The following FRMD5 variants were observed in gnomAD, a reference collection of about 807,000 sequenced individuals.
FRMD5 encodes FERM domain-containing protein 5.
In FRMD5, 20 loss-of-function variants were observed where a neutral mutation model predicts 69.0. That is an observed-to-expected ratio of 0.29 (90% confidence interval 0.20 to 0.42). The LOEUF (loss-of-function observed/expected upper bound fraction) is 0.42. FRMD5 is among the 10% of genes least tolerant of loss of function. The pLI is 1.00. For missense variants in FRMD5, 595 were observed against 708.6 expected, an observed-to-expected ratio of 0.84 and a Z score of 1.82; for synonymous variants, 271 against 260.1, an observed-to-expected ratio of 1.04 and a Z score of -0.40.
At chr15:43,944,498 T>C (rs189464315) in intron 1 of FRMD5, among the ~76,000 whole-genome samples, 1 of 152,158 alleles carries the variant, frequency 6.6e-6, no homozygotes, top group African/African-American at 2.4e-5. Context: ...CTCTGCTCAC[T>C]GCAACCTCCA....
At chr15:43,903,197 G>C (rs2089088536) in intron 6 of FRMD5, among the ~76,000 whole-genome samples, 2 of 152,258 alleles carry the variant, frequency 1.3e-5, no homozygotes, top group Admixed American at 1.3e-4. Context: ...CTGCAAAGCA[G>C]ATATACTTCT....
At chr15:44,006,065 G>A (rs1890432784) in intron 1 of FRMD5, among the ~76,000 whole-genome samples, 1 of 152,146 alleles carries the variant, frequency 6.6e-6, no homozygotes, top group Admixed American at 6.6e-5. Flanking sequence ...ATGGAGTAAA[G>A]TCAACGTCTG....
At chr15:43,888,364 C>A (rs2088714003) in intron 9 of FRMD5, 98 bp from the exon 10 acceptor site, 2 of 790,418 alleles carry the variant, frequency 2.5e-6, no homozygotes, top group Admixed American at 2.2e-5. Context: ...GAGGCCCTGG[C>A]AGCTGGCTAG....
chr15:44,040,166 G>C (rs563298986), intron 1 of FRMD5, among the ~76,000 whole-genome samples: 7 of 152,260 alleles, frequency 4.6e-5, no homozygotes, highest in African/African-American at 1.7e-4. Context: ...ATGGGACTAT[G>C]TGAGAAGACC....
intron 1 of FRMD5, among the ~76,000 whole-genome samples, chr15:44,171,676 C>T (rs919040153): frequency 1.3e-5 from 2 of 152,150 alleles, no homozygotes; most frequent in African/African-American, 4.8e-5. Context: ...TACCCCATTC[C>T]AGCCTCTGTC....
At chr15:44,051,539 T>C (rs1196613496) in intron 1 of FRMD5, among the ~76,000 whole-genome samples, 3 of 152,046 alleles carry the variant, frequency 2.0e-5, no homozygotes, top group Non-Finnish European at 2.9e-5. Flanking sequence ...AGCACATTTG[T>C]CACAATAACC....
intron 1 of FRMD5, among the ~76,000 whole-genome samples, chr15:43,938,210 C>T (rs1205111719): frequency 3.1e-5 from 4 of 130,288 alleles, no homozygotes; most frequent in African/African-American, 6.4e-5. Flanking sequence ...CTGGCCTGGG[C>T]GAAAGAGCGA....
chr15:44,117,365 T>C (rs936144489), intron 1 of FRMD5, among the ~76,000 whole-genome samples: 2 of 152,110 alleles, frequency 1.3e-5, no homozygotes, highest in African/African-American at 4.8e-5. Context: ...ATCTGAGTAA[T>C]GGGCAAGGAA....
At chr15:44,126,809 A>G (rs1180387394) in intron 1 of FRMD5, among the ~76,000 whole-genome samples, 1 of 152,124 alleles carries the variant, frequency 6.6e-6, no homozygotes, top group Non-Finnish European at 1.5e-5. Flanking sequence ...CATTGCCTAA[A>G]TAACTTTGGA....
At chr15:44,154,683 G>T (rs963108845) in intron 1 of FRMD5, among the ~76,000 whole-genome samples, 5 of 152,288 alleles carry the variant, frequency 3.3e-5, no homozygotes, top group Non-Finnish European at 7.4e-5. Context: ...CAGTCACAAA[G>T]TACCTCATGT....
At position 43,967,244 on chromosome 15, in the gene FRMD5, T is replaced by C. The variant is rs528163746; in HGVS notation, c.103-42935A>G. On this transcript the variant is annotated intron_variant, in intron 1 of 13. Transcript: ENST00000417257. ...AAATATATAAACATATATATATATA[T>C]ATGTTTGGGATGGAGCCTCGCTCTG... 5.9e-3 allele frequency among the ~76,000 whole-genome samples: 890 copies of C among 151,026 alleles called. 11 individuals are homozygous for C. Among genetic ancestry groups the C allele is most frequent in the African/African-American group, 0.02 (842 of 41,270 alleles).
intron 1 of FRMD5, among the ~76,000 whole-genome samples, chr15:44,180,888 G>A (rs1404484990): frequency 6.6e-6 from 1 of 152,070 alleles, no homozygotes; most frequent in African/African-American, 2.4e-5. Context: ...TAAGTAGATA[G>A]GTTTTGACAT....
chr15:43,921,930 C>G (rs910603971), intron 2 of FRMD5, among the ~76,000 whole-genome samples: 11 of 152,164 alleles, frequency 7.2e-5, no homozygotes, highest in Admixed American at 2.6e-4. Context: ...GATGTAAGTG[C>G]TGGGTTCAGA....
At chr15:44,062,254 A>T (rs549349348) in intron 1 of FRMD5, among the ~76,000 whole-genome samples, 6 of 152,300 alleles carry the variant, frequency 3.9e-5, no homozygotes, top group Non-Finnish European at 8.8e-5. Context: ...TAAGTCCCAA[A>T]TTTCCTTCTC....
chr15:43,929,749 A>C (rs572187061), intron 1 of FRMD5, among the ~76,000 whole-genome samples: 2 of 152,314 alleles, frequency 1.3e-5, no homozygotes, highest in South Asian at 4.1e-4. Context: ...GGGAAGAAAC[A>C]GGCACCAGGG....
At chr15:44,180,560 G>T (rs745662989) in intron 1 of FRMD5, among the ~76,000 whole-genome samples, 2 of 152,146 alleles carry the variant, frequency 1.3e-5, no homozygotes, top group African/African-American at 4.8e-5. Context: ...CAACATGGGC[G>T]GATCACTTGA....
intron 1 of FRMD5, among the ~76,000 whole-genome samples, chr15:44,046,064 T>C (rs1307536160): frequency 6.6e-6 from 1 of 152,096 alleles, no homozygotes; most frequent in Non-Finnish European, 1.5e-5. Context: ...ATCTCCTTGA[T>C]TAATTTAGAA....
At chr15:44,139,248 G>A (rs1421128649) in intron 1 of FRMD5, among the ~76,000 whole-genome samples, 1 of 150,880 alleles carries the variant, frequency 6.6e-6, no homozygotes, top group African/African-American at 2.4e-5. Context: ...TAAAAACTTA[G>A]AAATAACAAT....
At chr15:44,164,473 T>C (rs905829514) in intron 1 of FRMD5, among the ~76,000 whole-genome samples, 5 of 152,128 alleles carry the variant, frequency 3.3e-5, no homozygotes, top group Non-Finnish European at 5.9e-5. Flanking sequence ...TACTCATAAA[T>C]AGCACCATAC....
Sources: allele counts gnomAD v4.1 joint callset (sites outside exome capture counted in the v4.1 genomes callset), GRCh38; gene constraint gnomAD v4.1.1; transcripts MANE v1.5; gene names NCBI Gene and HGNC (gene_info 2026-07-23, HGNC 2026-07-21).